Variants in HDGFL3 observed in about 807,000 individuals in gnomAD.
HDGFL3 encodes the protein hepatoma-derived growth factor-related protein 3.
Under a neutral mutation model 27.6 loss-of-function variants are expected in HDGFL3, and 6 were observed. The ratio of observed to expected loss-of-function variants is 0.22; its 90% CI spans 0.12 to 0.43. The LOEUF (loss-of-function observed/expected upper bound fraction) is 0.43, where lower values mean the gene tolerates loss of function less well. Among genes scored for constraint, HDGFL3 ranks in the 20% least tolerant of loss-of-function variants. The probability of loss-of-function intolerance (pLI) is 1.00; values close to 1 mark genes in which losing one functional copy is unlikely to be tolerated. For synonymous variants in HDGFL3, 88 were observed against 88.9 expected (o/e 0.99, Z 0.05); for missense variants, 207 against 250.1 (o/e 0.83, Z 1.16).
chr15:83,136,584 ATG>A lies in HDGFL3; in HGVS notation c.*2684_*2685del. On this transcript the variant is annotated 3_prime_UTR_variant, in exon 6 of 6. Coordinates refer to ENST00000299633, the MANE Select transcript of HDGFL3 (RefSeq NM_016073.4). ...CTTTTTTTAGCATTAAACATAGCATATGGAGTTCTTCCTCAGCTCTTGGCCTA... is the reference window on the plus strand; with the variant it reads ...CTTTTTTTAGCATTAAACATAGCATAGAGTTCTTCCTCAGCTCTTGGCCTA... 6.2e-7 allele frequency: 1 copy of A among 1,613,896 alleles called. No homozygotes were observed. Among genetic ancestry groups the A allele is most frequent in the Non-Finnish European group, 8.5e-7 (1 of 1,179,882 alleles).
downstream of HDGFL3, among the ~76,000 whole-genome samples, chr15:83,123,664 G>A (rs2035470273): frequency 6.6e-6 from 1 of 152,058 alleles, no homozygotes; most frequent in Admixed American, 6.5e-5. Context: ...GTAAACTCAG[G>A]CTGGCACACT....
chr15:83,155,556 G>C (rs185577148), intron 4 of HDGFL3, among the ~76,000 whole-genome samples: 11 of 152,292 alleles, frequency 7.2e-5, no homozygotes, highest in Admixed American at 6.5e-4. Flanking sequence ...GATAAAGTCT[G>C]ACAAGAAAAA....
intron 5 of HDGFL3, among the ~76,000 whole-genome samples, chr15:83,141,971 CATA>C (rs1376595743): frequency 6.6e-6 from 1 of 152,124 alleles, no homozygotes; most frequent in African/African-American, 2.4e-5. Context: ...ACTGCAGTGA[CATA>C]CCATTTCACA....
chr15:83,178,376 G>A (rs1430748924), intron 1 of HDGFL3, among the ~76,000 whole-genome samples: 1 of 152,178 alleles, frequency 6.6e-6, no homozygotes, highest in Non-Finnish European at 1.5e-5. Context: ...TAGCAGAGAT[G>A]ATATATTTCA....
At chr15:83,173,660 T>C (rs2037273461) in intron 1 of HDGFL3, among the ~76,000 whole-genome samples, 1 of 152,184 alleles carries the variant, frequency 6.6e-6, no homozygotes, top group Admixed American at 6.5e-5. Flanking sequence ...AGCAACCCCA[T>C]TCACTTAGAT....
At chr15:83,117,807 T>C (rs2034810399) in intron 3 of HDGFL3, among the ~76,000 whole-genome samples, 4 of 152,106 alleles carry the variant, frequency 2.6e-5, no homozygotes, top group Admixed American at 1.3e-4. Flanking sequence ...AGCCAGGCCT[T>C]GAGAATCTTT....
chr15:83,158,326 G>C (rs2037058718), intron 2 of HDGFL3, among the ~76,000 whole-genome samples: 1 of 152,080 alleles, frequency 6.6e-6, no homozygotes, highest in Non-Finnish European at 1.5e-5. Flanking sequence ...AGTTACATAA[G>C]TAGAATTAAA....
chr15:83,156,606 C>T (rs959714853), intron 4 of HDGFL3, among the ~76,000 whole-genome samples: 2 of 152,184 alleles, frequency 1.3e-5, no homozygotes, highest in Admixed American at 1.3e-4. Flanking sequence ...ACCACATATA[C>T]GAAGCCTTGA....
At chr15:83,197,832 G>A (rs908625266) in intron 1 of HDGFL3, among the ~76,000 whole-genome samples, 38 of 152,020 alleles carry the variant, frequency 2.5e-4, no homozygotes, top group African/African-American at 8.4e-4. Flanking sequence ...TTGGGAGTTC[G>A]AGACCAGCCT....
In HDGFL3 at chr15:83,135,346, G is replaced by A. The variant is rs988382712; in HGVS notation, c.*3924C>T. 1 of 152,190 alleles carries A rather than the reference G, an allele frequency of 6.6e-6. No individual in the cohort carries two copies. The highest frequency in any genetic ancestry group is 1.5e-5 in the Non-Finnish European group (1 of 68,030). The allele number at this position is 152,190 out of a possible 1,614,324, so 9.4% of individuals were successfully genotyped here. ...GGAAGAAATGTAAAATAACTTATAT[G>A]TATTTAAAGCAAATTATCTAGTTCT... On this transcript the variant is annotated 3_prime_UTR_variant, in exon 6 of 6. Coordinates refer to ENST00000299633, the MANE Select transcript of HDGFL3 (RefSeq NM_016073.4).
exon 4 of HDGFL3, chr15:83,114,396 G>C (rs1279147232): frequency 6.6e-6 from 1 of 152,276 alleles, no homozygotes; most frequent in East Asian, 1.9e-4. Context: ...GTTGTCATCA[G>C]CAATCATTGG....
rs1050537324 is a variant in HDGFL3, at chr15:83,160,407, G to T, written c.162-2366C>A. 3.3e-5 allele frequency among the ~76,000 whole-genome samples: 5 copies of T among 152,162 alleles called. No homozygotes were observed. In the South Asian group the frequency reaches 1.0e-3, roughly 32 times the overall value. On this transcript the variant is annotated intron_variant, in intron 2 of 5. Transcript: ENST00000299633. Reference sequence around the variant, plus strand: ...TCACCATGTTGGCCAGGATGGTTTTGATCTCCTGACCTTGTGATCCGCCCA... The same window carrying T: ...TCACCATGTTGGCCAGGATGGTTTTTATCTCCTGACCTTGTGATCCGCCCA...
At chr15:83,177,085 T>A (rs2037322069) in intron 1 of HDGFL3, among the ~76,000 whole-genome samples, 1 of 152,108 alleles carries the variant, frequency 6.6e-6, no homozygotes, top group Non-Finnish European at 1.5e-5. Context: ...GCCTGGCTAA[T>A]TTTTTGTATT....
At chr15:83,181,455 G>A (rs2037380293) in intron 1 of HDGFL3, among the ~76,000 whole-genome samples, 1 of 152,136 alleles carries the variant, frequency 6.6e-6, no homozygotes, top group South Asian at 2.1e-4. Flanking sequence ...TAAACCTCCA[G>A]GGTTTATCCT....
intron 5 of HDGFL3, among the ~76,000 whole-genome samples, chr15:83,145,320 G>A (rs189720818): frequency 4.6e-5 from 7 of 151,754 alleles, no homozygotes; most frequent in Non-Finnish European, 8.8e-5. Context: ...CTCTTCTACT[G>A]GGCCCCCTGA....
At chr15:83,162,193 G>A (rs1208089204) in intron 2 of HDGFL3, among the ~76,000 whole-genome samples, 1 of 152,176 alleles carries the variant, frequency 6.6e-6, no homozygotes, top group Non-Finnish European at 1.5e-5. Flanking sequence ...TGTAAGTAGA[G>A]TAAGAAACAC....
chr15:83,141,167 C>G (rs1369302597), intron 5 of HDGFL3, among the ~76,000 whole-genome samples: 1 of 152,174 alleles, frequency 6.6e-6, no homozygotes, highest in Non-Finnish European at 1.5e-5. Context: ...TGACTGTCTC[C>G]TAGATCTGAA....
Position 83,207,472 on chromosome 15 carries a change from C to A in HDGFL3, c.-58G>T. The A allele has an allele frequency of 8.2e-7, 1 of 1,219,556 alleles. No individual in the cohort carries two copies. The highest frequency in any genetic ancestry group is 1.0e-6 in the Non-Finnish European group (1 of 963,082). 75.5% of individuals were successfully genotyped at this position (1,219,556 alleles called of 1,614,324 possible). A position where few individuals can be genotyped will look rare whatever the true frequency, so the allele number is the denominator to read the frequency against. On this transcript the variant is annotated 5_prime_UTR_variant, in exon 1 of 6. Transcript: ENST00000299633. This position sits in a 1 kb window ranked among gnomAD's most constrained non-coding sequence, Gnocchi z 4.8. ...CGCCGCGAAGATGCCGGGAGGCCGC[C>A]CCCCCGCGGGCCGACGAATTGCGCC...
intron 1 of HDGFL3, among the ~76,000 whole-genome samples, chr15:83,176,369 T>C (rs2037311082): frequency 6.6e-6 from 1 of 152,212 alleles, no homozygotes; most frequent in African/African-American, 2.4e-5. Context: ...TATAAGAATT[T>C]TCAGGAAATA....
Sources: gnomAD v4.1 joint callset for allele counts (sites outside exome capture counted in the v4.1 genomes callset) on GRCh38, gnomAD v4.1.1 for gene constraint, Gnocchi (gnomAD v3.1) non-coding constraint, MANE v1.5 for transcripts, NCBI Gene and HGNC (gene_info 2026-07-23, HGNC 2026-07-21) for gene names.